Variants in ARHGAP39 observed in about 807,000 individuals in gnomAD.
ARHGAP39 encodes Rho GTPase activating protein 39, also known as rho GTPase-activating protein 39.
A neutral mutation model predicts 106.9 loss-of-function variants in ARHGAP39; 44 were observed. That is an observed-to-expected ratio of 0.41 (90% confidence interval 0.32 to 0.53). The LOEUF is 0.53. Among genes scored for constraint, ARHGAP39 ranks in the 20% least tolerant of loss-of-function variants. ARHGAP39 has a pLI of 0.21. For missense variants in ARHGAP39, 1,496 were observed against 1,577.3 expected, an observed-to-expected ratio of 0.95 and a Z score of 0.87; for synonymous variants, 768 against 693.2, an observed-to-expected ratio of 1.11 and a Z score of -1.69.
In ARHGAP39 at chr8:144,671,582, T is replaced by C. The variant is rs960531820; in HGVS notation, c.-82+14104A>G. 2.0e-5 allele frequency among the ~76,000 whole-genome samples: 3 copies of C among 152,110 alleles called. No homozygotes were observed. The highest frequency in any genetic ancestry group is 6.5e-5 in the Admixed American group (1 of 15,274). ...CAGAGCTGCCGGCTCCGGCCACACA[T>C]CCCTCCCGCCTGAGGCTCTTTCTGT... On this transcript the variant is annotated intron_variant, in intron 1 of 11. Transcript: ENST00000377307. The surrounding 1 kb of genome is among the most constrained non-coding windows in gnomAD (Gnocchi z 4.5).
intron 3 of ARHGAP39, among the ~76,000 whole-genome samples, chr8:144,567,478 C>A (rs1818439928): frequency 6.6e-6 from 1 of 152,136 alleles, no homozygotes; most frequent in Non-Finnish European, 1.5e-5. Flanking sequence ...ACTTAGCGGA[C>A]CAGGAAAGGG....
chr8:144,547,841 C>G lies in ARHGAP39; in HGVS notation c.1245G>C (p.Arg415=), dbSNP rs560981885. The G allele has an allele frequency of 5.7e-5, 90 of 1,588,842 alleles. No homozygotes were observed. Among genetic ancestry groups the G allele is most frequent in the Non-Finnish European group, 7.4e-5 (86 of 1,168,582 alleles). Residue 415 remains arginine (R), a synonymous_variant, in exon 5 of 12, where the codon CGG becomes CGC. Coordinates refer to ENST00000377307, the MANE Select transcript of ARHGAP39 (RefSeq NM_025251.3). This position sits in a 1 kb window ranked among gnomAD's most constrained non-coding sequence, Gnocchi z 5.2. The part of the protein sequence containing the change: ...GSSPKLRAGP[R]HKYAPNPGGG... ...CGCCGGGGTTGGGCGCGTACTTGTG[C>G]CGCGGGCCGGCGCGCAGCTTGGGGC...
rs1320280171 is a variant in ARHGAP39 at position 144,545,580 on chromosome 8, G to A, written c.2190C>T (p.Pro730=). The A allele has an allele frequency of 1.2e-6, 2 of 1,613,778 alleles. No homozygotes were observed. The highest frequency in any genetic ancestry group is 1.6e-4 in the Middle Eastern group (1 of 6,062). The change falls in exon 6 of 12, where the codon CCC becomes CCT. Residue 730 remains proline (P), a synonymous_variant. Transcript: ENST00000377307. The part of the protein sequence containing the change: ...LAWSSESIKK[P]MIVTSDRHVK... The stretch of plus-strand genomic sequence containing the variant: ...CGTGCCGGTCGCTTGTCACGATCAT[G>A]GGCTTCTTGATGGACTCGCTGCTCC...
chr8:144,601,514 G>GCA (rs1819943521), intron 2 of ARHGAP39, among the ~76,000 whole-genome samples: 2 of 148,660 alleles, frequency 1.3e-5, no homozygotes, highest in East Asian at 2.0e-4. Flanking sequence ...GGAGGCATGT[G>GCA]TGTGCTCATG....
the ARHGAP39 span, among the ~76,000 whole-genome samples, chr8:144,691,226 C>G: frequency 1.3e-5 from 2 of 152,230 alleles, no homozygotes; most frequent in Admixed American, 1.3e-4. Flanking sequence ...GGAAGCCCCA[C>G]AGACAGCTGC....
chr8:144,621,553 CT>C (rs1294537025), intron 1 of ARHGAP39, among the ~76,000 whole-genome samples: 2 of 152,196 alleles, frequency 1.3e-5, no homozygotes, highest in Non-Finnish European at 2.9e-5. Context: ...TAATTGACCA[CT>C]GGTTAAAAGC....
At chr8:144,600,676 C>CTGCGTG (rs1303146420) in intron 2 of ARHGAP39, among the ~76,000 whole-genome samples, 1 of 147,422 alleles carries the variant, frequency 6.8e-6, no homozygotes, top group East Asian at 2.1e-4. Flanking sequence ...ACTTGTGTAC[C>CTGCGTG]TGCGTGTGCG....
chr8:144,613,995 C>T (rs887280239), intron 1 of ARHGAP39, among the ~76,000 whole-genome samples: 2 of 152,204 alleles, frequency 1.3e-5, no homozygotes, highest in African/African-American at 4.8e-5. Flanking sequence ...ACTGCTTCAT[C>T]TTTAAGTTCA....
chr8:144,650,666 C>T (rs930943723), intron 1 of ARHGAP39, among the ~76,000 whole-genome samples: 3 of 152,162 alleles, frequency 2.0e-5, no homozygotes, highest in African/African-American at 7.2e-5. Context: ...ACATGATTAT[C>T]TCAATAGATG....
intron 5 of ARHGAP39, 35 bp from the exon 6 acceptor site, chr8:144,545,845 T>TGGGCTGTGGGGGGG: frequency 1.9e-6 from 2 of 1,042,196 alleles, no homozygotes; most frequent in Non-Finnish European, 2.7e-6. Context: ...CTGTTGGGGG[T>TGGGCTGTGGGGGGG]GGGGGAGGGC....
At chr8:144,536,370 C>G (rs1159213648) in intron 7 of ARHGAP39, among the ~76,000 whole-genome samples, 1 of 152,072 alleles carries the variant, frequency 6.6e-6, no homozygotes, top group Non-Finnish European at 1.5e-5. Context: ...TGATGTTGAC[C>G]CTGCTCCCCA....
intron 3 of ARHGAP39, among the ~76,000 whole-genome samples, chr8:144,568,968 CA>C (rs1818495248): frequency 1.3e-5 from 2 of 152,136 alleles, no homozygotes; most frequent in Non-Finnish European, 2.9e-5. Flanking sequence ...CCTAGCCATG[CA>C]AATCATCACA....
At chr8:144,643,485 CAG>C (rs1821363096) in intron 1 of ARHGAP39, among the ~76,000 whole-genome samples, 1 of 152,254 alleles carries the variant, frequency 6.6e-6, no homozygotes, top group East Asian at 1.9e-4. Flanking sequence ...AATAATCACA[CAG>C]AGAGACTGGT....
At chr8:144,588,772 G>A (rs1042187049) in intron 2 of ARHGAP39, among the ~76,000 whole-genome samples, 8 of 152,258 alleles carry the variant, frequency 5.3e-5, no homozygotes, top group Admixed American at 4.6e-4. Flanking sequence ...GGGCCACCAT[G>A]GCCAACGTGG....
At chr8:144,615,301 C>T (rs751191421) in intron 1 of ARHGAP39, among the ~76,000 whole-genome samples, 1 of 151,146 alleles carries the variant, frequency 6.6e-6, no homozygotes, top group African/African-American at 2.4e-5. Flanking sequence ...GCCTGGGCAA[C>T]AAAGTGAGAC....
intron 1 of ARHGAP39, among the ~76,000 whole-genome samples, chr8:144,680,814 C>G (rs530718303): frequency 1.3e-5 from 2 of 152,106 alleles, no homozygotes; most frequent in Non-Finnish European, 1.5e-5. Context: ...TCACAATACA[C>G]GAACTATGTC....
intron 1 of ARHGAP39, 102 bp from the exon 2 acceptor site, chr8:144,605,797 T>C (rs376576240): frequency 3.1e-6 from 2 of 645,318 alleles, no homozygotes; most frequent in Admixed American, 2.5e-5. Context: ...AGGATGACGA[T>C]GGACTCCACG....
At chr8:144,538,076 C>G (rs918679697) in intron 6 of ARHGAP39, among the ~76,000 whole-genome samples, 6 of 152,154 alleles carry the variant, frequency 3.9e-5, no homozygotes, top group Non-Finnish European at 5.9e-5. Flanking sequence ...GCCAGGGGAG[C>G]AGGAGGAGAA....
intron 1 of ARHGAP39, among the ~76,000 whole-genome samples, chr8:144,630,947 C>A (rs4422811): frequency 0.082 from 12,528 of 152,320 alleles, 1,100 homozygotes; most frequent in East Asian, 0.25. Context: ...AGTTGCCTCA[C>A]GGTTCTGCAG....
Sources: gnomAD v4.1 joint callset for allele counts (sites outside exome capture counted in the v4.1 genomes callset) on GRCh38, gnomAD v4.1.1 for gene constraint, Gnocchi (gnomAD v3.1) non-coding constraint, MANE v1.5 for transcripts, NCBI Gene and HGNC (gene_info 2026-07-23, HGNC 2026-07-21) for gene names.